PCNX1: variants seen among roughly 807,000 people sequenced by gnomAD.
PCNX1 encodes pecanex-like protein 1.
PCNX1 carries 78 observed loss-of-function variants against 242.2 expected under a neutral mutation model. The observed-to-expected ratio is 0.32, with a 90% confidence interval of 0.27 to 0.39. PCNX1 has a LOEUF of 0.39. Ranked by LOEUF, PCNX1 falls within the 10% of genes least tolerant of loss-of-function variation. The pLI, the probability that PCNX1 is intolerant of heterozygous loss-of-function variation, is 1.00. For missense variants in PCNX1, 2,581 were observed against 2,856.5 expected, an observed-to-expected ratio of 0.90 and a Z score of 2.20; for synonymous variants, 1,024 against 1,032.9, an observed-to-expected ratio of 0.99 and a Z score of 0.17.
chr14:71,047,776 T>C (rs1434788824), intron 21 of PCNX1, 31 bp from the exon 22 acceptor site: 1 of 1,563,070 alleles, frequency 6.4e-7, no homozygotes. Context: ...TTTTCAGTCA[T>C]GAGTTGATTT....
intron 1 of PCNX1, among the ~76,000 whole-genome samples, chr14:70,920,330 C>A (rs893021791): frequency 1.3e-5 from 2 of 152,146 alleles, no homozygotes; most frequent in African/African-American, 4.8e-5. Context: ...GTTTCAAGAT[C>A]CTTCAGTCCA....
intron 31 of PCNX1, among the ~76,000 whole-genome samples, 194 bp downstream of exon 31, chr14:71,102,414 C>G (rs909967102): frequency 2.0e-5 from 3 of 152,098 alleles, no homozygotes; most frequent in Admixed American, 2.0e-4. Flanking sequence ...TACAGACATG[C>G]ACCACCATGT....
In PCNX1 at chr14:70,920,385, C is replaced by T. The variant is rs1351601994; in HGVS notation, c.153+12382C>T. 2.6e-5 allele frequency among the ~76,000 whole-genome samples: 4 copies of T among 152,318 alleles called. No individual in the cohort carries two copies. In the South Asian group the frequency reaches 6.2e-4, roughly 24 times the overall value. ...GTATCATCTTTACTATGGCTTTCTT[C>T]TTTTCCCCTCACAGGCTAGAATTCT... On this transcript the variant is annotated intron_variant, in intron 1 of 35. Transcript: ENST00000304743.
At chr14:71,105,024 GA>G (rs1169646078) in intron 32 of PCNX1, among the ~76,000 whole-genome samples, 2 of 152,200 alleles carry the variant, frequency 1.3e-5, no homozygotes, top group African/African-American at 4.8e-5. Flanking sequence ...GCATATGAAA[GA>G]TTTGAGGCAG....
At chr14:70,913,542 T>A (rs1489273102) in intron 1 of PCNX1, among the ~76,000 whole-genome samples, 1 of 152,198 alleles carries the variant, frequency 6.6e-6, no homozygotes, top group Non-Finnish European at 1.5e-5. Flanking sequence ...GTGGAGAGAT[T>A]ATATTCAGAC....
chr14:70,977,638 G>T lies in PCNX1; in HGVS notation c.1301G>T (p.Cys434Phe). 2 of 1,614,100 alleles carry T rather than the reference G, an allele frequency of 1.2e-6. No individual in the cohort carries two copies. Among genetic ancestry groups the T allele is most frequent in the South Asian group, 1.1e-5 (1 of 91,076 alleles). ...AAAAGTGGGAGGAAGAAAGAGTGCT[G>T]TGCAGGCCCAGAGGAGAAGAATAGC... ...GTKSGRKKEC[C>F]AGPEEKNSCA... Residue 434 changes from cysteine to phenylalanine, a missense_variant, in exon 6 of 36, where the codon TGT becomes TTT. By Grantham distance (205) the Cys-to-Phe change is radical. Around this residue, in one of 9 missense-constraint regions of PCNX1, gnomAD observed 1,204 missense variants for 1,216.7 expected, o/e 0.99. Coordinates refer to ENST00000304743, the MANE Select transcript of PCNX1 (RefSeq NM_014982.3).
rs138838289 is a variant in PCNX1 at position 71,055,535 on chromosome 14, T to C, written c.4609T>C (p.Leu1537=). ...TKRVDHSNTR[L]ASQLDRNPGS... ...ACGAGTGGATCATTCAAATACCAGA[T>C]TGGCTTCCCAGCTTGATAGAAATCC... Residue 1537 remains leucine (L), a synonymous_variant, in exon 25 of 36, where the codon TTG becomes CTG. Transcript: ENST00000304743. 4.8e-4 allele frequency: 773 copies of C among 1,607,274 alleles called. No individual in the cohort carries two copies. Among genetic ancestry groups the C allele is most frequent in the Non-Finnish European group, 5.5e-4 (649 of 1,174,560 alleles).
intron 6 of PCNX1, among the ~76,000 whole-genome samples, chr14:70,987,499 T>C (rs1288915112): frequency 2.6e-5 from 4 of 152,196 alleles, no homozygotes. Context: ...ATACATGGAC[T>C]TTTACCCCAC....
intron 5 of PCNX1, among the ~76,000 whole-genome samples, chr14:70,972,836 C>G (rs2058581458): frequency 6.6e-6 from 1 of 152,122 alleles, no homozygotes; most frequent in Non-Finnish European, 1.5e-5. Flanking sequence ...CAGACCGTCC[C>G]CATGGGAATA....
At chr14:71,069,924 C>T (rs1269088555) in intron 26 of PCNX1, among the ~76,000 whole-genome samples, 3 of 152,132 alleles carry the variant, frequency 2.0e-5, no homozygotes, top group South Asian at 2.1e-4. Flanking sequence ...CTGTAGCATG[C>T]GATGCTGTTT....
intron 11 of PCNX1, among the ~76,000 whole-genome samples, chr14:71,015,406 A>G (rs1194398121): frequency 6.6e-6 from 1 of 152,234 alleles, no homozygotes; most frequent in African/African-American, 2.4e-5. Flanking sequence ...AAAATTTATG[A>G]TAATAGCATA....
chr14:70,918,284 G>A (rs1312575977), intron 1 of PCNX1, among the ~76,000 whole-genome samples: 4 of 152,150 alleles, frequency 2.6e-5, no homozygotes, highest in Non-Finnish European at 5.9e-5. Context: ...GGCTTTTGAT[G>A]TGCCTTTCTC....
At chr14:71,016,565 A>G (rs984062777) in intron 11 of PCNX1, among the ~76,000 whole-genome samples, 1 of 152,222 alleles carries the variant, frequency 6.6e-6, no homozygotes, top group Admixed American at 6.5e-5. Flanking sequence ...TTAAATGGTA[A>G]ATTAATAACA....
intron 8 of PCNX1, among the ~76,000 whole-genome samples, chr14:71,001,505 G>C (rs1325782954): frequency 6.6e-6 from 1 of 152,180 alleles, no homozygotes; most frequent in Non-Finnish European, 1.5e-5. Flanking sequence ...ATTGTAGGAA[G>C]ACTACTAGAA....
At chr14:70,938,860 G>A (rs971820432) in intron 1 of PCNX1, among the ~76,000 whole-genome samples, 1 of 152,182 alleles carries the variant, frequency 6.6e-6, no homozygotes, top group Non-Finnish European at 1.5e-5. Flanking sequence ...AGTCTTGGGA[G>A]GGTGTATGTG....
intron 1 of PCNX1, among the ~76,000 whole-genome samples, chr14:70,945,335 A>G (rs1218247180): frequency 6.6e-6 from 1 of 152,200 alleles, no homozygotes; most frequent in Non-Finnish European, 1.5e-5. Context: ...AAACTTCTAA[A>G]TATATTTCCC....
intron 33 of PCNX1, 136 bp from the exon 34 acceptor site, chr14:71,108,468 A>C: frequency 1.7e-6 from 1 of 579,556 alleles, no homozygotes; most frequent in Non-Finnish European, 3.0e-6. Flanking sequence ...TAACTTTAAA[A>C]GTTTTAGGCA....
intron 8 of PCNX1, among the ~76,000 whole-genome samples, chr14:71,008,843 G>T (rs114675899): frequency 1.3e-5 from 2 of 151,714 alleles, no homozygotes; most frequent in Admixed American, 6.6e-5. Context: ...TTTCATCACC[G>T]ATATGGCTAC....
rs377620287 is a variant in PCNX1, at chr14:70,941,925, C to T, written c.154-4990C>T. 2.2e-3 allele frequency among the ~76,000 whole-genome samples: 330 copies of T among 152,290 alleles called. 1 individual carries two copies. Among genetic ancestry groups the T allele is most frequent in the Non-Finnish European group, 3.8e-3 (256 of 68,022 alleles). On this transcript the variant is annotated intron_variant, in intron 1 of 35. Coordinates refer to ENST00000304743, the MANE Select transcript of PCNX1 (RefSeq NM_014982.3). ...GAGGCTCTGTGGGCGTGGGACCCTC[C>T]GAACAAGGCGTGGGATATAATCTCC...
Sources: gnomAD v4.1 joint callset for allele counts (sites outside exome capture counted in the v4.1 genomes callset) on GRCh38, gnomAD v4.1.1 for gene constraint, gnomAD v4.1.1 regional missense constraint, MANE v1.5 for transcripts, NCBI Gene and HGNC (gene_info 2026-07-23, HGNC 2026-07-21) for gene names.